PODN: variants seen among roughly 807,000 people sequenced by gnomAD.
PODN encodes the protein podocan.
Under a neutral mutation model 52.7 loss-of-function variants are expected in PODN, and 40 were observed. The observed-to-expected ratio is 0.76, with a 90% CI of 0.59 to 0.99. The LOEUF (loss-of-function observed/expected upper bound fraction) is 0.99, where lower values mean the gene tolerates loss of function less well. PODN is among the 50% of genes least tolerant of loss of function. The pLI is 0.00. For missense variants in PODN, 720 were observed against 815.1 expected, an observed-to-expected ratio of 0.88 and a Z score of 1.42; for synonymous variants, 396 against 377.9, an observed-to-expected ratio of 1.05 and a Z score of -0.56.
chr1:53,080,629 T>G, intron 8 of PODN, 99 bp from the exon 9 acceptor site: 1 of 1,302,784 alleles, frequency 7.7e-7, no homozygotes, highest in Non-Finnish European at 1.1e-6. Flanking sequence ...ACAGGGTTAT[T>G]GTTAGATTTA....
chr1:53,068,286 C>T (rs922041668), intron 1 of PODN, among the ~76,000 whole-genome samples: 4 of 152,208 alleles, frequency 2.6e-5, no homozygotes, highest in Admixed American at 6.5e-5. Context: ...CCCCAGTTTA[C>T]AAAACCCTCC....
At chr1:53,066,956 CT>C (rs1644042998) in intron 1 of PODN, 3 of 1,324,204 alleles carry the variant, frequency 2.3e-6, no homozygotes, top group Non-Finnish European at 3.2e-6. Context: ...GGACCTGGGC[CT>C]GTGCCCACAC....
rs772267798 is a variant in PODN, at chr1:53,074,589, A to C, written c.407-17A>C. ...TCTCCTCCATCCAGGGCTCTGACCGATGCCTGTCCTTTGAAGGGCTCCCAG... is the reference window on the plus strand; with the variant it reads ...TCTCCTCCATCCAGGGCTCTGACCGCTGCCTGTCCTTTGAAGGGCTCCCAG... On this transcript the variant is annotated splice_polypyrimidine_tract_variant and intron_variant, in intron 3 of 10. Coordinates refer to ENST00000312553, the MANE Select transcript of PODN (RefSeq NM_153703.5). 5.6e-6 allele frequency: 9 copies of C among 1,613,746 alleles called. No individual in the cohort carries two copies. In the East Asian group the frequency reaches 1.6e-4, roughly 28 times the overall value.
chr1:53,077,739 C>A lies in PODN; in HGVS notation c.793C>A (p.Arg265Ser). The change falls in exon 7 of 11, where the codon CGC (arginine) becomes AGC (serine). Residue 265 changes from arginine (R) to serine (S), a missense_variant. Arg to Ser is a moderately radical substitution (Grantham distance 110). Transcript: ENST00000312553. ...GGCCTTCAGCGAGCTGAGCAGCCTG[C>A]GCGAGCTATACCTGCAGAACAACTA... ...PGAFSELSSL[R>S]ELYLQNNYLT... 6.2e-7 allele frequency: 1 copy of A among 1,613,716 alleles called. No individual in the cohort carries two copies. The highest frequency in any genetic ancestry group is 8.5e-7 in the Non-Finnish European group (1 of 1,179,968).
chr1:53,082,101 C>T lies in PODN; in HGVS notation c.1782C>T (p.Arg594=), dbSNP rs1644304094. ...EFGDISKDRG[R]LGKEKEEEEE... ...GTGACATTTCCAAGGACCGTGGCCG[C>T]TTGGGGAAGGAAAAGGAGGAGGAGG... Residue 594 remains arginine, a synonymous_variant, in exon 10 of 11, where the codon CGC becomes CGT. Transcript: ENST00000312553. 1 of 1,613,760 alleles carries T rather than the reference C, an allele frequency of 6.2e-7. No individual in the cohort carries two copies. The highest frequency in any genetic ancestry group is 1.1e-5 in the South Asian group (1 of 90,974).
intron 1 of PODN, among the ~76,000 whole-genome samples, chr1:53,068,089 T>C (rs945850442): frequency 1.3e-5 from 2 of 152,138 alleles, no homozygotes; most frequent in Non-Finnish European, 2.9e-5. Context: ...GCACTTACTA[T>C]GTGCAGTACA....
chr1:53,074,640 C>T lies in PODN; in HGVS notation c.441C>T (p.Asn147=). ...LPEKAFEHLT[N]LNYLYLANNK... The stretch of plus-strand genomic sequence containing the variant: ...AGAAGGCGTTTGAGCATCTGACCAA[C>T]CTCAATTACCTGTACTTGGCCAATA... Residue 147 remains asparagine (N), a synonymous_variant, in exon 4 of 11, where the codon AAC becomes AAT. Coordinates refer to ENST00000312553, the MANE Select transcript of PODN (RefSeq NM_153703.5). The T allele has an allele frequency of 2.5e-6, 4 of 1,614,088 alleles. No homozygotes were observed. The highest frequency in any genetic ancestry group is 3.4e-6 in the Non-Finnish European group (4 of 1,180,032).
chr1:53,080,737 A>C lies in PODN; in HGVS notation c.1522A>C (p.Ile508Leu), dbSNP rs1008225357. ...TTGGTCACCCCTGCAGCTGCTGGACATCGCCGGGAATCAGCTCACAGAGAT... is the reference window on the plus strand; with the variant it reads ...TTGGTCACCCCTGCAGCTGCTGGACCTCGCCGGGAATCAGCTCACAGAGAT... ...VDLAHLQLLD[I>L]AGNQLTEIPE... Residue 508 changes from isoleucine to leucine, a missense_variant, in exon 9 of 11, where the codon ATC becomes CTC. Ile to Leu is a conservative substitution (Grantham distance 5). Coordinates refer to ENST00000312553, the MANE Select transcript of PODN (RefSeq NM_153703.5). The C allele has an allele frequency of 3.7e-6, 6 of 1,613,804 alleles. No homozygotes were observed. Among genetic ancestry groups the C allele is most frequent in the Non-Finnish European group, 4.2e-6 (5 of 1,179,924 alleles).
At chr1:53,073,855 A>G (rs1193923338) in intron 3 of PODN, 1 of 152,244 alleles carries the variant, frequency 6.6e-6, no homozygotes, top group Non-Finnish European at 1.5e-5. Context: ...ACCACAGTCC[A>G]GTGGTCTTTT....
At chr1:53,077,618 A>T (rs1644214696) in intron 6 of PODN, 67 bp from the exon 7 acceptor site, 7 of 1,455,362 alleles carry the variant, frequency 4.8e-6, no homozygotes, top group Non-Finnish European at 6.6e-6. Flanking sequence ...TCCACACCTC[A>T]TCCCGAGGCC....
At position 53,078,472 on chromosome 1, in the gene PODN, T is replaced by C; in HGVS notation, c.962T>C (p.Ile321Thr). ...LVLLHLEKNA[I>T]RSVDANVLTP... Reference sequence around the variant, plus strand: ...CTGCTGCACTTGGAGAAGAACGCCATCCGGAGCGTGGACGCGAATGTGCTG... The same window carrying C: ...CTGCTGCACTTGGAGAAGAACGCCACCCGGAGCGTGGACGCGAATGTGCTG... The change falls in exon 8 of 11, where the codon ATC becomes ACC. Residue 321 changes from isoleucine (I) to threonine (T), a missense_variant. Physicochemically the swap from Ile to Thr is moderately conservative, Grantham distance 89. Coordinates refer to ENST00000312553, the MANE Select transcript of PODN (RefSeq NM_153703.5). The C allele has an allele frequency of 6.2e-7, 1 of 1,613,356 alleles. No individual in the cohort carries two copies. Among genetic ancestry groups the C allele is most frequent in the Non-Finnish European group, 8.5e-7 (1 of 1,180,022 alleles).
At chr1:53,083,206 A>G (rs1401219753) in intron 10 of PODN, among the ~76,000 whole-genome samples, 1 of 152,168 alleles carries the variant, frequency 6.6e-6, no homozygotes, top group Non-Finnish European at 1.5e-5. Context: ...GTGAGAGATG[A>G]GAGAGGGCAG....
At chr1:53,075,234 G>A (rs938444757) in intron 4 of PODN, among the ~76,000 whole-genome samples, 1 of 152,146 alleles carries the variant, frequency 6.6e-6, no homozygotes, top group African/African-American at 2.4e-5. Flanking sequence ...AGACTCAAAG[G>A]TCTGCCTGCC....
chr1:53,072,114 A>T (rs1018245040), intron 3 of PODN, among the ~76,000 whole-genome samples: 4 of 149,940 alleles, frequency 2.7e-5, no homozygotes, highest in Non-Finnish European at 5.9e-5. Flanking sequence ...AAAATAAAAT[A>T]AAAATAAAAT....
At chr1:53,071,462 T>C in intron 2 of PODN, 73 bp from the exon 3 acceptor site, 1 of 1,253,676 alleles carries the variant, frequency 8.0e-7, no homozygotes, top group Non-Finnish European at 1.1e-6. Flanking sequence ...ACTGGAGCTA[T>C]GGGTAGGGAA....
intron 2 of PODN, among the ~76,000 whole-genome samples, chr1:53,070,514 C>T (rs1322605750): frequency 6.6e-6 from 1 of 152,238 alleles, no homozygotes; most frequent in Non-Finnish European, 1.5e-5. Context: ...CACCATTACA[C>T]GGTCAGGAAA....
chr1:53,076,357 G>C lies in PODN; in HGVS notation c.581+386G>C, dbSNP rs562555525. Among the ~76,000 whole-genome samples the C allele has an allele frequency of 1.7e-4, 26 of 152,348 alleles. 1 individual carries two copies. The South Asian group carries it at 5.0e-3, about 29-fold the overall frequency. On this transcript the variant is annotated intron_variant, in intron 5 of 10. Coordinates refer to ENST00000312553, the MANE Select transcript of PODN (RefSeq NM_153703.5). ...CTGCCGGGGAGCCGCCTCCAGGACA[G>C]TTTGGGGGCTGGACAACCCCAGTGC... is the stretch of plus-strand genomic sequence containing the variant.
chr1:53,075,821 C>T, intron 4 of PODN, 41 bp from the exon 5 acceptor site: 1 of 1,524,058 alleles, frequency 6.6e-7, no homozygotes, highest in Non-Finnish European at 8.9e-7. Flanking sequence ...CTGGCCTCTG[C>T]TCCTCCATTG....
rs1479721594 is a variant in PODN, at chr1:53,069,700, G to A, written c.-55-101G>A. The A allele has an allele frequency of 7.6e-6, 11 of 1,450,910 alleles. No individual in the cohort carries two copies. In the Admixed American group the frequency reaches 8.6e-5, roughly 11 times the overall value. The allele number at this position is 1,450,910 out of a possible 1,614,324, so 89.9% of individuals were successfully genotyped here. A position where few individuals can be genotyped will look rare whatever the true frequency, so the allele number is the denominator to read the frequency against. Reference sequence around the variant, plus strand: ...GTGCGGAGGGCAGCAGTCAGTCATCGGCTGGGCTCTGAGGACAGTCCAGAG... The same window carrying A: ...GTGCGGAGGGCAGCAGTCAGTCATCAGCTGGGCTCTGAGGACAGTCCAGAG... On this transcript the variant is annotated intron_variant, in intron 1 of 10. Transcript: ENST00000312553.
Sources: allele counts gnomAD v4.1 joint callset (sites outside exome capture counted in the v4.1 genomes callset), GRCh38; gene constraint gnomAD v4.1.1; transcripts MANE v1.5; gene names NCBI Gene and HGNC (gene_info 2026-07-23, HGNC 2026-07-21).